SPIDR: variants seen among roughly 807,000 people sequenced by gnomAD.
The protein encoded by SPIDR is DNA repair-scaffolding protein.
SPIDR carries 93 observed loss-of-function variants against 104.6 expected under a neutral mutation model. That is an observed-to-expected ratio of 0.89 (90% confidence interval 0.75 to 1.06). SPIDR has a LOEUF of 1.06. Ranked by LOEUF, SPIDR falls within the 50% of genes least tolerant of loss-of-function variation. The probability of loss-of-function intolerance (pLI) is 0.00; values close to 1 mark genes in which losing one functional copy is unlikely to be tolerated. For missense variants in SPIDR, 1,154 were observed against 1,111.2 expected, an observed-to-expected ratio of 1.04 and a Z score of -0.55; for synonymous variants, 431 against 416.9, an observed-to-expected ratio of 1.03 and a Z score of -0.41.
intron 8 of SPIDR, chr8:47,592,146 A>G: frequency 7.1e-7 from 1 of 1,410,618 alleles, no homozygotes; most frequent in Non-Finnish European, 1.0e-6. Context: ...GGATCAATTT[A>G]AATATTATTC....
intron 7 of SPIDR, among the ~76,000 whole-genome samples, chr8:47,439,749 G>A (rs2069034208): frequency 6.6e-6 from 1 of 152,100 alleles, no homozygotes; most frequent in Non-Finnish European, 1.5e-5. Context: ...ATGGAACTTG[G>A]CCAACTTAAT....
At chr8:47,541,532 T>C (rs1478359135) in intron 8 of SPIDR, among the ~76,000 whole-genome samples, 1 of 152,260 alleles carries the variant, frequency 6.6e-6, no homozygotes, top group Non-Finnish European at 1.5e-5. Flanking sequence ...GTGGCAATTC[T>C]TGCACATTTC....
intron 10 of SPIDR, among the ~76,000 whole-genome samples, chr8:47,670,450 A>G (rs1023937849): frequency 8.5e-5 from 13 of 152,212 alleles, no homozygotes; most frequent in Non-Finnish European, 1.5e-4. Context: ...ATTAGTTCCC[A>G]TCTAGAAATC....
intron 5 of SPIDR, among the ~76,000 whole-genome samples, chr8:47,378,288 C>G (rs534788252): frequency 6.6e-6 from 1 of 152,132 alleles, no homozygotes; most frequent in Non-Finnish European, 1.5e-5. Flanking sequence ...ATATTAAAGA[C>G]TATCTTTTCA....
At chr8:47,353,610 T>C (rs2154282731) in intron 5 of SPIDR, among the ~76,000 whole-genome samples, 1 of 152,296 alleles carries the variant, frequency 6.6e-6, no homozygotes, top group African/African-American at 2.4e-5. Context: ...GGTAAAAATG[T>C]TACCTGAATT....
intron 6 of SPIDR, among the ~76,000 whole-genome samples, chr8:47,404,925 T>A (rs1261505929): frequency 2.0e-5 from 3 of 152,196 alleles, no homozygotes; most frequent in African/African-American, 7.2e-5. Context: ...GTGGCACTAT[T>A]CACAATAGCC....
Position 47,487,669 on chromosome 8 carries a change from T to G in SPIDR, c.1097+47127T>G, listed in dbSNP as rs1329327773. 1.8e-4 allele frequency among the ~76,000 whole-genome samples: 28 copies of G among 152,146 alleles called. 2 individuals carry two copies. The highest frequency in any genetic ancestry group is 7.4e-5 in the Non-Finnish European group (5 of 68,016). The stretch of plus-strand genomic sequence containing the variant: ...TAACAAACTGTCTCTCAGACCACAG[T>G]GCACTCAAACTAGAACTCAGGATTA... On this transcript the variant is annotated intron_variant, in intron 8 of 19. Coordinates refer to ENST00000297423, the MANE Select transcript of SPIDR (RefSeq NM_001080394.4).
intron 6 of SPIDR, 115 bp from the exon 7 acceptor site, chr8:47,407,746 A>C: frequency 2.0e-6 from 1 of 508,154 alleles, no homozygotes; most frequent in South Asian, 4.1e-5. Flanking sequence ...TATACGTTAA[A>C]ATTTTGCATG....
chr8:47,415,490 T>G (rs1320844023), intron 7 of SPIDR, among the ~76,000 whole-genome samples: 1 of 152,186 alleles, frequency 6.6e-6, no homozygotes, highest in East Asian at 1.9e-4. Flanking sequence ...CTCCCAAAAT[T>G]CATGTTGAAA....
At chr8:47,578,599 A>G (rs2059385768) in intron 8 of SPIDR, among the ~76,000 whole-genome samples, 1 of 152,374 alleles carries the variant, frequency 6.6e-6, no homozygotes, top group Admixed American at 6.5e-5. Context: ...CAATGAAGCC[A>G]AATGTCTGAA....
intron 16 of SPIDR, among the ~76,000 whole-genome samples, chr8:47,720,967 A>G (rs746218534): frequency 4.6e-5 from 7 of 152,122 alleles, no homozygotes; most frequent in African/African-American, 9.7e-5. Flanking sequence ...CATGTTAGCC[A>G]GGCTGGTCTT....
intron 7 of SPIDR, among the ~76,000 whole-genome samples, chr8:47,428,098 T>C (rs962338664): frequency 1.3e-5 from 2 of 152,152 alleles, no homozygotes. Context: ...AATTTTTGTA[T>C]TTTTTTGTAG....
chr8:47,689,427 G>A (rs1007409372), intron 11 of SPIDR, among the ~76,000 whole-genome samples: 6 of 152,176 alleles, frequency 3.9e-5, no homozygotes, highest in East Asian at 1.9e-4. Flanking sequence ...AATTAGGTCC[G>A]TTTTGTGTGA....
chr8:47,282,523 C>G (rs1554559479), intron 2 of SPIDR, among the ~76,000 whole-genome samples: 1 of 152,234 alleles, frequency 6.6e-6, no homozygotes, highest in African/African-American at 2.4e-5. Flanking sequence ...CTGCTAGCTT[C>G]AGACTTTTCT....
intron 10 of SPIDR, among the ~76,000 whole-genome samples, chr8:47,649,910 C>G (rs1588823490): frequency 6.6e-6 from 1 of 152,088 alleles, no homozygotes; most frequent in Non-Finnish European, 1.5e-5. Context: ...ATCCAGCATC[C>G]CTTTATGATA....
At chr8:47,376,345 G>A (rs561362560) in intron 5 of SPIDR, among the ~76,000 whole-genome samples, 1 of 152,300 alleles carries the variant, frequency 6.6e-6, no homozygotes, top group African/African-American at 2.4e-5. Flanking sequence ...AGGTGTGATT[G>A]GAAGAGGATC....
At chr8:47,290,731 T>C (rs1351385298) in intron 3 of SPIDR, among the ~76,000 whole-genome samples, 1 of 152,330 alleles carries the variant, frequency 6.6e-6, no homozygotes, top group East Asian at 1.9e-4. Flanking sequence ...AGTTATACTT[T>C]TATAAATGTT....
intron 11 of SPIDR, among the ~76,000 whole-genome samples, chr8:47,686,642 C>T (rs2077867122): frequency 6.6e-6 from 1 of 152,112 alleles, no homozygotes; most frequent in African/African-American, 2.4e-5. Flanking sequence ...AAGACAGGTG[C>T]ACCAAATTCC....
intron 10 of SPIDR, among the ~76,000 whole-genome samples, chr8:47,658,029 CAAAAA>C (rs34648437): frequency 5.3e-5 from 4 of 76,040 alleles, no homozygotes; most frequent in Non-Finnish European, 4.9e-5. Flanking sequence ...GACCCTGTCT[CAAAAA>C]AAAAAAAAAA....
Sources: allele counts gnomAD v4.1 joint callset (sites outside exome capture counted in the v4.1 genomes callset), GRCh38; gene constraint gnomAD v4.1.1; transcripts MANE v1.5; gene names NCBI Gene and HGNC (gene_info 2026-07-23, HGNC 2026-07-21).